KLHDC1: variants seen among roughly 807,000 people sequenced by gnomAD.
The protein encoded by KLHDC1 is kelch domain-containing protein 1.
Under a neutral mutation model 68.3 loss-of-function variants are expected in KLHDC1, and 53 were observed. The ratio of observed to expected loss-of-function variants is 0.78; its 90% CI spans 0.62 to 0.98. The LOEUF is 0.98. Among genes scored for constraint, KLHDC1 ranks in the 50% least tolerant of loss-of-function variants. The pLI is 0.00. For synonymous variants in KLHDC1, 148 were observed against 159.0 expected (o/e 0.93, Z 0.52); for missense variants, 470 against 492.3 (o/e 0.95, Z 0.43).
At chr14:49,747,523 A>G (rs898385386) in intron 12 of KLHDC1, among the ~76,000 whole-genome samples, 7 of 152,220 alleles carry the variant, frequency 4.6e-5, no homozygotes, top group African/African-American at 1.7e-4. Context: ...TTAGTCCTTG[A>G]CTGGAGAAAG....
chr14:49,736,015 A>G (rs1266416566), intron 10 of KLHDC1, among the ~76,000 whole-genome samples: 1 of 152,148 alleles, frequency 6.6e-6, no homozygotes, highest in Non-Finnish European at 1.5e-5. Flanking sequence ...ACCCTGTCTC[A>G]AAAAAAGAAA....
chr14:49,730,829 A>G (rs557130444), intron 8 of KLHDC1, among the ~76,000 whole-genome samples: 201 of 150,968 alleles, frequency 1.3e-3, no homozygotes, highest in African/African-American at 4.4e-3. Flanking sequence ...AAAAAAAGCA[A>G]GGAGTGGTGG....
chr14:49,726,320 G>A (rs1347981933), intron 6 of KLHDC1, among the ~76,000 whole-genome samples: 1 of 152,210 alleles, frequency 6.6e-6, no homozygotes, highest in Non-Finnish European at 1.5e-5. Flanking sequence ...GTTTGAGGCT[G>A]TAGTGTGCTA....
At position 49,709,175 on chromosome 14, in the gene KLHDC1, A is replaced by C. The variant is rs1479106720; in HGVS notation, c.113A>C (p.Glu38Ala). ...WGGYVSIEDNEVYLPNDEIWT... is the reference protein window; with the variant it reads ...WGGYVSIEDNAVYLPNDEIWT... The stretch of plus-strand genomic sequence containing the variant: ...TATTTTTAGTCTATTGAAGACAATG[A>C]AGTATATTTGCCTAATGATGAAATT... Residue 38 changes from glutamate (E) to alanine (A), a missense_variant, in exon 2 of 13, where the codon GAA becomes GCA. Coordinates refer to ENST00000359332, the MANE Select transcript of KLHDC1 (RefSeq NM_172193.3). The C allele has an allele frequency of 5.9e-6, 8 of 1,356,280 alleles. No homozygotes were observed. Among genetic ancestry groups the C allele is most frequent in the African/African-American group, 1.5e-5 (1 of 68,502 alleles). 84.0% of individuals were successfully genotyped at this position (1,356,280 alleles called of 1,614,324 possible).
In KLHDC1 at chr14:49,693,297, G is replaced by T. The variant is rs770586768; in HGVS notation, c.96+7G>T. The T allele has an allele frequency of 2.6e-6, 4 of 1,525,954 alleles. No individual in the cohort carries two copies. Among genetic ancestry groups the T allele is most frequent in the Non-Finnish European group, 3.5e-6 (4 of 1,136,146 alleles). 94.5% of individuals were successfully genotyped at this position (1,525,954 alleles called of 1,614,324 possible). On this transcript the variant is annotated splice_region_variant and intron_variant, in intron 1 of 12. Transcript: ENST00000359332. ...CGTGTGGGGGGGCTACGTGGTAAGG[G>T]GAAGAGGCGGGACGGGGTAGACTCG...
chr14:49,728,367 T>C (rs1888722737), intron 6 of KLHDC1, among the ~76,000 whole-genome samples: 1 of 152,218 alleles, frequency 6.6e-6, no homozygotes, highest in Admixed American at 6.5e-5. Flanking sequence ...CTGCTATATT[T>C]ATTCAAAATA....
At chr14:49,751,526 A>T (rs914900306) in intron 12 of KLHDC1, 60 bp from the exon 13 acceptor site, 6 of 769,150 alleles carry the variant, frequency 7.8e-6, no homozygotes, top group South Asian at 3.7e-5. Context: ...CTTAACTATA[A>T]ATATTTTATA....
intron 4 of KLHDC1, among the ~76,000 whole-genome samples, chr14:49,714,414 A>T (rs1224371180): frequency 6.6e-6 from 1 of 151,884 alleles, no homozygotes; most frequent in Non-Finnish European, 1.5e-5. Flanking sequence ...TGGAGGTTGC[A>T]GTGAGCCGAG....
At chr14:49,703,340 A>C (rs2139731897) in intron 1 of KLHDC1, among the ~76,000 whole-genome samples, 1 of 150,644 alleles carries the variant, frequency 6.6e-6, no homozygotes, top group Non-Finnish European at 1.5e-5. Context: ...GTTTTCTTTC[A>C]TGAATTTTTT....
At chr14:49,737,149 G>A (rs2139762968) in intron 10 of KLHDC1, among the ~76,000 whole-genome samples, 1 of 152,238 alleles carries the variant, frequency 6.6e-6, no homozygotes, top group South Asian at 2.1e-4. Context: ...ATGTATGAGG[G>A]CATTTTTTGT....
In KLHDC1 at chr14:49,718,743, T is replaced by C. The variant is rs954397076; in HGVS notation, c.405-5131T>C. Among the ~76,000 whole-genome samples, 8 of 151,258 alleles carry C rather than the reference T, an allele frequency of 5.3e-5. No homozygotes were observed. In the East Asian group the frequency reaches 9.7e-4, roughly 18 times the overall value. ...TTCAAAGAATCAACTTTTGTTTTGT[T>C]GTTTTTCTTTTTCTTTTCTTTCTTT... On this transcript the variant is annotated intron_variant, in intron 4 of 12. Transcript: ENST00000359332.
rs1566604665 is a variant in KLHDC1 at position 49,715,781 on chromosome 14, T to TAA, written c.404+5401_404+5402dup. Among the ~76,000 whole-genome samples, 35 of 141,002 alleles carry TAA rather than the reference T, an allele frequency of 2.5e-4. No individual in the cohort carries two copies. In the East Asian group the frequency reaches 4.9e-3, roughly 20 times the overall value. The allele number at this position is 141,002 out of a possible 152,430, so 92.5% of individuals were successfully genotyped here. On this transcript the variant is annotated intron_variant, in intron 4 of 12. Transcript: ENST00000359332. ...AAAAAAAAAAATATATATATATATA[T>TAA]AATAAAAGATAAAACATAGCCTTAC...
chr14:49,713,825 TATATA>T (rs1888283633), intron 4 of KLHDC1, among the ~76,000 whole-genome samples: 5 of 3,526 alleles, frequency 1.4e-3, no homozygotes, highest in Non-Finnish European at 3.2e-3. Context: ...TATATATATA[TATATA>T]TATATATATA....
chr14:49,693,180 C>G lies in KLHDC1; in HGVS notation c.-15C>G, dbSNP rs762487475. 1.9e-6 allele frequency: 3 copies of G among 1,574,534 alleles called. No individual in the cohort carries two copies. The highest frequency in any genetic ancestry group is 2.6e-6 in the Non-Finnish European group (3 of 1,162,452). On this transcript the variant is annotated 5_prime_UTR_variant, in exon 1 of 13. Transcript: ENST00000359332. ...GGGTTGTGGCGCGGCAAGCGGCGGG[C>G]CAGCGACGGCGCGAATGGCGGACTC... is the stretch of plus-strand genomic sequence containing the variant.
At chr14:49,729,814 TGAA>T (rs1294255588) in intron 8 of KLHDC1, among the ~76,000 whole-genome samples, 3 of 152,162 alleles carry the variant, frequency 2.0e-5, no homozygotes, top group Non-Finnish European at 4.4e-5. Flanking sequence ...GTAGAAGAAA[TGAA>T]GAAGTGGTTG....
At chr14:49,717,340 G>T (rs1248155533) in intron 4 of KLHDC1, among the ~76,000 whole-genome samples, 1 of 152,084 alleles carries the variant, frequency 6.6e-6, no homozygotes, top group African/African-American at 2.4e-5. Flanking sequence ...AAGGAACAAG[G>T]GTTCCAGTTT....
In KLHDC1 at chr14:49,710,434, G is replaced by T. The variant is rs1009244009; in HGVS notation, c.404+53G>T. Reference sequence around the variant, plus strand: ...TATGTCTACCTAAGCAAAGATAATAGCTTTGGCTAAAATACAGAATGCTTA... The same window carrying T: ...TATGTCTACCTAAGCAAAGATAATATCTTTGGCTAAAATACAGAATGCTTA... On this transcript the variant is annotated intron_variant, in intron 4 of 12. Coordinates refer to ENST00000359332, the MANE Select transcript of KLHDC1 (RefSeq NM_172193.3). 2.6e-5 allele frequency: 24 copies of T among 937,940 alleles called. No homozygotes were observed. In the East Asian group the frequency reaches 5.4e-4, roughly 21 times the overall value. 58.1% of individuals were successfully genotyped at this position (937,940 alleles called of 1,614,324 possible).
chr14:49,734,245 T>C (rs756778488), intron 9 of KLHDC1, among the ~76,000 whole-genome samples: 18 of 152,258 alleles, frequency 1.2e-4, no homozygotes, highest in Non-Finnish European at 2.1e-4. Flanking sequence ...GATAATGGCA[T>C]TGTGGTTATG....
intron 6 of KLHDC1, among the ~76,000 whole-genome samples, chr14:49,728,247 C>A (rs1041712269): frequency 6.6e-6 from 1 of 151,318 alleles, no homozygotes; most frequent in African/African-American, 2.4e-5. Context: ...CGCATAAACC[C>A]GGGAGGTGGA....
Sources: gnomAD v4.1 joint callset for allele counts (sites outside exome capture counted in the v4.1 genomes callset) on GRCh38, gnomAD v4.1.1 for gene constraint, MANE v1.5 for transcripts, NCBI Gene and HGNC (gene_info 2026-07-23, HGNC 2026-07-21) for gene names.